Variants in IGF1 observed in about 807,000 individuals in gnomAD.
IGF1 encodes insulin like growth factor 1.
IGF1 carries 4 observed loss-of-function variants against 13.8 expected under a neutral mutation model. The ratio of observed to expected loss-of-function variants is 0.29; its 90% CI spans 0.14 to 0.66. The LOEUF is 0.66. Ranked by LOEUF, IGF1 falls within the 30% of genes least tolerant of loss-of-function variation. The pLI, the probability that IGF1 is intolerant of heterozygous loss-of-function variation, is 0.78. For missense variants in IGF1, 124 were observed against 188.5 expected (o/e 0.66, Z 2.00); for synonymous variants, 76 against 72.6 (o/e 1.05, Z -0.23).
At chr12:102,408,944 A>C (rs1210996960) in intron 3 of IGF1, among the ~76,000 whole-genome samples, 1 of 151,978 alleles carries the variant, frequency 6.6e-6, no homozygotes, top group Admixed American at 6.6e-5. Flanking sequence ...CCCCTAATAA[A>C]ACCCCTGCTC....
intron 2 of IGF1, among the ~76,000 whole-genome samples, chr12:102,462,372 AC>A (rs796286973): frequency 1.3e-5 from 2 of 152,256 alleles, no homozygotes; most frequent in East Asian, 3.9e-4. Flanking sequence ...ATTCATTGAA[AC>A]CAATCATCCA....
intron 3 of IGF1, among the ~76,000 whole-genome samples, chr12:102,407,274 C>T (rs574003999): frequency 6.6e-6 from 1 of 152,132 alleles, no homozygotes; most frequent in Admixed American, 6.5e-5. Flanking sequence ...GTCAGTCCCA[C>T]GTACAAGCTG....
rs984572809 is a variant in IGF1, at chr12:102,438,380, A to G, written c.221-18690T>C. Reference sequence around the variant, plus strand: ...ATCTTTTCAGCTCAGCATTCACCAAAGAGTTGTTCAAGAAGTTCCGTGCAA... The same window carrying G: ...ATCTTTTCAGCTCAGCATTCACCAAGGAGTTGTTCAAGAAGTTCCGTGCAA... On this transcript the variant is annotated intron_variant, in intron 2 of 3. Transcript: ENST00000337514. Among the ~76,000 whole-genome samples the G allele has an allele frequency of 6.7e-4, 102 of 152,206 alleles. 1 individual carries two copies. The highest frequency in any genetic ancestry group is 1.3e-4 in the Non-Finnish European group (9 of 68,034).
rs1377918670 is a variant in IGF1, at chr12:102,395,984, G to A, written c.*6523C>T. On this transcript the variant is annotated 3_prime_UTR_variant, in exon 4 of 4. Coordinates refer to ENST00000337514, the MANE Select transcript of IGF1 (RefSeq NM_000618.5). ...TATGCTTATTAAACAGTAAATGTAAGATAATGATTCAATTAGTTACATTTT... is the reference window on the plus strand; with the variant it reads ...TATGCTTATTAAACAGTAAATGTAAAATAATGATTCAATTAGTTACATTTT... 1 of 152,168 alleles carries A rather than the reference G, an allele frequency of 6.6e-6. No individual in the cohort carries two copies. Among genetic ancestry groups the A allele is most frequent in the Non-Finnish European group, 1.5e-5 (1 of 68,018 alleles). The allele number at this position is 152,168 out of a possible 1,614,324, so 9.4% of individuals were successfully genotyped here.
At chr12:102,460,843 T>C (rs1879841571) in intron 2 of IGF1, among the ~76,000 whole-genome samples, 1 of 152,232 alleles carries the variant, frequency 6.6e-6, no homozygotes, top group Non-Finnish European at 1.5e-5. Context: ...TACTATCTTA[T>C]CCTTGTCAAG....
intron 1 of IGF1, among the ~76,000 whole-genome samples, chr12:102,476,741 A>G (rs1240976979): frequency 2.6e-5 from 4 of 152,170 alleles, no homozygotes; most frequent in Non-Finnish European, 4.4e-5. Flanking sequence ...TTTTATAGCA[A>G]AATATACCAA....
intron 2 of IGF1, 94 bp downstream of exon 2, chr12:102,475,549 C>A (rs1880964012): frequency 4.3e-6 from 6 of 1,390,954 alleles, no homozygotes; most frequent in Non-Finnish European, 4.1e-6. Context: ...GATACGGGCA[C>A]TCATTCAGTT....
intron 2 of IGF1, among the ~76,000 whole-genome samples, chr12:102,471,773 G>T (rs1198800865): frequency 2.6e-5 from 4 of 152,086 alleles, no homozygotes; most frequent in Non-Finnish European, 4.4e-5. Context: ...AACTTAAAAA[G>T]ACCCCAGAAA....
chr12:102,479,098 T>A (rs913719525), intron 1 of IGF1, among the ~76,000 whole-genome samples: 6 of 152,206 alleles, frequency 3.9e-5, no homozygotes, highest in African/African-American at 1.4e-4. Context: ...TCTTTTATGA[T>A]CCCCTAAGTA....
At chr12:102,434,095 C>T (rs1876987346) in intron 2 of IGF1, among the ~76,000 whole-genome samples, 1 of 151,388 alleles carries the variant, frequency 6.6e-6, no homozygotes, top group South Asian at 2.1e-4. Context: ...TTTTTGATTT[C>T]ACTTGTTTCA....
chr12:102,421,672 TG>T, intron 2 of IGF1, among the ~76,000 whole-genome samples: 1 of 152,324 alleles, frequency 6.6e-6, no homozygotes, highest in Middle Eastern at 3.4e-3. Flanking sequence ...ACTTGATGTT[TG>T]GGGGTGGGCT....
chr12:102,447,653 A>G (rs373911837), intron 2 of IGF1, among the ~76,000 whole-genome samples: 5 of 152,188 alleles, frequency 3.3e-5, no homozygotes, highest in East Asian at 1.9e-4. Flanking sequence ...CAGAGCACCA[A>G]TGGGTCTTGA....
rs187939167 is a variant in IGF1 at position 102,478,431 on chromosome 12, C to A, written c.63+1888G>T. 5.0e-5 allele frequency: 61 copies of A among 1,222,310 alleles called. No individual in the cohort carries two copies. The East Asian group carries it at 6.5e-4, about 13-fold the overall frequency. The allele number at this position is 1,222,310 out of a possible 1,614,324, so 75.7% of individuals were successfully genotyped here. A position where few individuals can be genotyped will look rare whatever the true frequency, so the allele number is the denominator to read the frequency against. ...TATTAATTGATTCCAGATGTCTGGG[C>A]CACAATGAAAATGCCCTGTAAAATT... On this transcript the variant is annotated intron_variant, in intron 1 of 3. Transcript: ENST00000337514.
At chr12:102,449,965 TAGAG>T (rs1029329494) in intron 2 of IGF1, among the ~76,000 whole-genome samples, 1 of 152,004 alleles carries the variant, frequency 6.6e-6, no homozygotes, top group East Asian at 1.9e-4. Context: ...TCCAGTAGCA[TAGAG>T]AGAGGGCGAG....
intron 2 of IGF1, among the ~76,000 whole-genome samples, chr12:102,432,025 G>C (rs1205761630): frequency 6.6e-6 from 1 of 152,180 alleles, no homozygotes; most frequent in African/African-American, 2.4e-5. Context: ...CACTGAAATA[G>C]AGAAGTTTTT....
chr12:102,456,685 C>A (rs1277819857), intron 2 of IGF1, among the ~76,000 whole-genome samples: 1 of 152,180 alleles, frequency 6.6e-6, no homozygotes, highest in Non-Finnish European at 1.5e-5. Context: ...TAATTAACCT[C>A]TTATCCCTAC....
rs1873477488 is a variant in IGF1 at position 102,399,147 on chromosome 12, CTGTG to C, written c.*3356_*3359del. On this transcript the variant is annotated 3_prime_UTR_variant, in exon 4 of 4. Transcript: ENST00000337514. ...TGTGTGTGTGTGTGTGTGTGTGTGT[CTGTG>C]TATGTAGGGTGGGTGTTAAGAGATT... The C allele has an allele frequency of 9.5e-6, 1 of 104,796 alleles. No individual in the cohort carries two copies. The highest frequency in any genetic ancestry group is 3.0e-4 in the South Asian group (1 of 3,288). 6.5% of individuals were successfully genotyped at this position (104,796 alleles called of 1,614,324 possible).
intron 3 of IGF1, among the ~76,000 whole-genome samples, chr12:102,405,339 C>T (rs1303643278): frequency 1.3e-5 from 2 of 151,954 alleles, no homozygotes; most frequent in Non-Finnish European, 2.9e-5. Flanking sequence ...CTGCCTGCCT[C>T]AGCCTCCTGA....
intron 2 of IGF1, among the ~76,000 whole-genome samples, chr12:102,467,404 C>T (rs1466814760): frequency 6.6e-6 from 1 of 152,164 alleles, no homozygotes; most frequent in Admixed American, 6.5e-5. Flanking sequence ...TCCAACAACT[C>T]GTCAGACTGT....
Sources: allele counts gnomAD v4.1 joint callset (sites outside exome capture counted in the v4.1 genomes callset), GRCh38; gene constraint gnomAD v4.1.1; transcripts MANE v1.5; gene names NCBI Gene and HGNC (gene_info 2026-07-23, HGNC 2026-07-21).